The following ZC3H12B variants were observed in gnomAD, a reference collection of about 807,000 sequenced individuals.
The protein encoded by ZC3H12B is probable ribonuclease ZC3H12B.
ZC3H12B carries 7 observed loss-of-function variants against 43.9 expected under a neutral mutation model. The observed-to-expected ratio is 0.16, with a 90% CI of 0.09 to 0.30. The LOEUF (loss-of-function observed/expected upper bound fraction) is 0.30. ZC3H12B is among the 10% of genes least tolerant of loss of function. The probability of loss-of-function intolerance (pLI) is 1.00; values close to 1 mark genes in which losing one functional copy is unlikely to be tolerated. For synonymous variants in ZC3H12B, 222 were observed against 241.7 expected (o/e 0.92, Z 0.76); for missense variants, 475 against 670.2 (o/e 0.71, Z 3.22).
the ZC3H12B span, among the ~76,000 whole-genome samples, chrX:65,211,240 C>T: frequency 9.2e-6 from 1 of 109,174 alleles, no homozygotes; most frequent in Admixed American, 1.0e-4. Flanking sequence ...CGAAAATTTT[C>T]TCCCATTCTG....
Position 65,498,818 on chromosome X carries a change from A to G in ZC3H12B, c.749-181A>G, listed in dbSNP as rs149045039. Among the ~76,000 whole-genome samples the G allele has an allele frequency of 6.0e-3, 669 of 112,385 alleles. 6 individuals are homozygous for G. Among genetic ancestry groups the G allele is most frequent in the African/African-American group, 0.02 (621 of 30,988 alleles). ...AAAGAAGACTGAAGTCCAAAGGGGA[A>G]GATGACTTGCCTAAGGTCATAATCC... On this transcript the variant is annotated intron_variant, in intron 2 of 4. Transcript: ENST00000338957.
At chrX:65,251,021 G>A in the ZC3H12B span, among the ~76,000 whole-genome samples, 1 of 112,068 alleles carries the variant, frequency 8.9e-6, no homozygotes, top group Non-Finnish European at 1.9e-5. Context: ...CTATGCCGAT[G>A]TCCTGAATGG....
At chrX:65,060,761 A>G in the ZC3H12B span, among the ~76,000 whole-genome samples, 1 of 112,459 alleles carries the variant, frequency 8.9e-6, no homozygotes. Flanking sequence ...CAACAAACAT[A>G]TGAAGAAAAG....
At chrX:65,207,192 AAAG>A in the ZC3H12B span, among the ~76,000 whole-genome samples, 1 of 107,920 alleles carries the variant, frequency 9.3e-6, no homozygotes, top group African/African-American at 3.4e-5. Context: ...ATTATACAAA[AAAG>A]GTACTTGCAC....
the ZC3H12B span, among the ~76,000 whole-genome samples, chrX:65,165,418 T>G: frequency 2.7e-5 from 3 of 112,190 alleles, no homozygotes; most frequent in African/African-American, 9.7e-5. Flanking sequence ...GTCCTAATGC[T>G]CACACTTCAT....
chrX:65,388,228 C>A (rs2066558547), intron 2 of ZC3H12B, among the ~76,000 whole-genome samples: 1 of 112,258 alleles, frequency 8.9e-6, no homozygotes, highest in Non-Finnish European at 1.9e-5. Flanking sequence ...TAATATCCTG[C>A]AGAGTGTTTT....
At chrX:65,418,901 A>G (rs1256344294) in intron 3 of ZC3H12B, among the ~76,000 whole-genome samples, 1 of 111,851 alleles carries the variant, frequency 8.9e-6, no homozygotes, top group Non-Finnish European at 1.9e-5. Context: ...CCCCAAAGGG[A>G]CCTATGGCCT....
the ZC3H12B span, among the ~76,000 whole-genome samples, chrX:65,120,499 G>C: frequency 1.2e-4 from 13 of 111,709 alleles, no homozygotes; most frequent in Non-Finnish European, 2.4e-4. Flanking sequence ...TGTTGATTTT[G>C]TATCCTGAGA....
At chrX:65,385,839 G>C (rs889789284) in intron 2 of ZC3H12B, among the ~76,000 whole-genome samples, 11 of 112,100 alleles carry the variant, frequency 9.8e-5, no homozygotes, top group Non-Finnish European at 1.7e-4. Flanking sequence ...AATTTATTGA[G>C]AGTTTTTAGC....
intron 3 of ZC3H12B, among the ~76,000 whole-genome samples, chrX:65,399,838 T>C (rs1274490416): frequency 1.8e-5 from 2 of 112,400 alleles, no homozygotes; most frequent in Admixed American, 1.9e-4. Context: ...AATGGAGTAC[T>C]ACTCAGTCAT....
At chrX:65,186,876 A>T in the ZC3H12B span, among the ~76,000 whole-genome samples, 1 of 111,782 alleles carries the variant, frequency 8.9e-6, no homozygotes, top group Non-Finnish European at 1.9e-5. Context: ...ATTCCTTTAT[A>T]TTGCTGAGTA....
chrX:65,166,636 G>T, the ZC3H12B span, among the ~76,000 whole-genome samples: 1 of 111,778 alleles, frequency 8.9e-6, no homozygotes, highest in Non-Finnish European at 1.9e-5. Context: ...TTCCACAATG[G>T]TTGAACTAGT....
At chrX:65,160,209 T>G in the ZC3H12B span, among the ~76,000 whole-genome samples, 1 of 111,980 alleles carries the variant, frequency 8.9e-6, no homozygotes, top group African/African-American at 3.2e-5. Context: ...ATCAAGGATA[T>G]TGGTCCAAAA....
At chrX:65,173,887 T>A in the ZC3H12B span, among the ~76,000 whole-genome samples, 2 of 111,606 alleles carry the variant, frequency 1.8e-5, no homozygotes, top group African/African-American at 6.5e-5. Flanking sequence ...GTTATGTCTC[T>A]GATTTTTGAG....
At chrX:65,168,497 CT>C in the ZC3H12B span, among the ~76,000 whole-genome samples, 51 of 102,582 alleles carry the variant, frequency 5.0e-4, no homozygotes, top group Non-Finnish European at 6.4e-4. Flanking sequence ...CTAAAATTCT[CT>C]TTTTTTTTTT....
the ZC3H12B span, among the ~76,000 whole-genome samples, chrX:65,085,799 A>G: frequency 1.3e-4 from 14 of 111,398 alleles, no homozygotes; most frequent in Non-Finnish European, 1.7e-4. Flanking sequence ...TGAAAGAATC[A>G]CATATTTAGG....
At chrX:65,052,637 T>G in the ZC3H12B span, among the ~76,000 whole-genome samples, 2 of 111,445 alleles carry the variant, frequency 1.8e-5, no homozygotes, top group Non-Finnish European at 3.8e-5. Flanking sequence ...TTGAGTAGTA[T>G]TCCATTGTGT....
the ZC3H12B span, among the ~76,000 whole-genome samples, chrX:65,230,734 A>T: frequency 9.0e-6 from 1 of 111,052 alleles, no homozygotes; most frequent in Non-Finnish European, 1.9e-5. Flanking sequence ...GACAAACAAA[A>T]CCTATGGATT....
chrX:65,202,469 T>G, the ZC3H12B span, among the ~76,000 whole-genome samples: 1 of 110,028 alleles, frequency 9.1e-6, no homozygotes, highest in Non-Finnish European at 1.9e-5. Flanking sequence ...CCAGTAATGC[T>G]GTGGCTTTGC....
Sources: gnomAD v4.1 joint callset for allele counts (sites outside exome capture counted in the v4.1 genomes callset) on GRCh38, gnomAD v4.1.1 for gene constraint, MANE v1.5 for transcripts, NCBI Gene and HGNC (gene_info 2026-07-23, HGNC 2026-07-21) for gene names.